The following FLI1 variants were observed in gnomAD, a reference collection of about 807,000 sequenced individuals.
The protein encoded by FLI1 is Friend leukemia integration 1 transcription factor.
Under a neutral mutation model 53.1 loss-of-function variants are expected in FLI1, and 13 were observed. The ratio of observed to expected loss-of-function variants is 0.24; its 90% CI spans 0.16 to 0.39. The LOEUF is 0.39. Among genes scored for constraint, FLI1 ranks in the 10% least tolerant of loss-of-function variants. The pLI, the probability that FLI1 is intolerant of heterozygous loss-of-function variation, is 1.00. For synonymous variants in FLI1, 244 were observed against 236.7 expected, an observed-to-expected ratio of 1.03 and a Z score of -0.28; for missense variants, 424 against 600.5, an observed-to-expected ratio of 0.71 and a Z score of 3.07.
At chr11:128,694,314 G>A (rs775206695) in intron 1 of FLI1, 38 bp downstream of exon 1, 3 of 1,314,810 alleles carry the variant, frequency 2.3e-6, no homozygotes, top group African/African-American at 1.5e-5. Flanking sequence ...GGCGGGGACC[G>A]GCCGGGGAGG....
At chr11:128,806,193 ATTAT>A in intron 6 of FLI1, 1 of 148,134 alleles carries the variant, frequency 6.8e-6, no homozygotes, top group Admixed American at 6.6e-5. Context: ...ATGTGTATTA[ATTAT>A]TTACTTACTC....
chr11:128,790,144 A>G (rs1246333582), intron 5 of FLI1, among the ~76,000 whole-genome samples: 1 of 151,746 alleles, frequency 6.6e-6, no homozygotes, highest in African/African-American at 2.4e-5. Context: ...TGATTATGGG[A>G]TAGACAGTAG....
intron 1 of FLI1, among the ~76,000 whole-genome samples, chr11:128,720,804 G>GC (rs1939220486): frequency 6.6e-6 from 1 of 152,178 alleles, no homozygotes; most frequent in Non-Finnish European, 1.5e-5. Context: ...CTCTCTTTCT[G>GC]CCCCTCACAG....
Position 128,772,892 on chromosome 11 carries a change from G to A in FLI1, c.496G>A (p.Glu166Lys). The change falls in exon 4 of 9, where the codon GAA (glutamate) becomes AAA (lysine). Residue 166 changes from glutamate to lysine, a missense_variant. Around this residue, in one of 5 missense-constraint regions of FLI1, gnomAD observed 114 missense variants for 117.9 expected, o/e 0.97. Transcript: ENST00000527786. ...CTTTTTCCAGAACATGGATGGCAAGGAACTGTGTAAAATGAACAAGGAGGA... is the reference window on the plus strand; with the variant it reads ...CTTTTTCCAGAACATGGATGGCAAGAAACTGTGTAAAATGAACAAGGAGGA... ...TSFFQNMDGK[E>K]LCKMNKEDFL... is the part of the protein sequence containing the mutation. 2 of 1,614,026 alleles carry A rather than the reference G, an allele frequency of 1.2e-6. No homozygotes were observed. The highest frequency in any genetic ancestry group is 1.3e-5 in the African/African-American group (1 of 75,056).
intron 5 of FLI1, chr11:128,804,351 G>A (rs1000227086): frequency 6.6e-5 from 10 of 152,218 alleles, no homozygotes; most frequent in African/African-American, 2.4e-4. Context: ...AACTTTGAAG[G>A]TCATAATTCT....
chr11:128,706,214 C>A (rs935727924), intron 1 of FLI1, among the ~76,000 whole-genome samples: 1 of 152,124 alleles, frequency 6.6e-6, no homozygotes, highest in African/African-American at 2.4e-5. Flanking sequence ...TAGAAACATG[C>A]GTATAGGAGA....
intron 1 of FLI1, among the ~76,000 whole-genome samples, chr11:128,751,671 C>A (rs1298932866): frequency 6.6e-6 from 1 of 151,978 alleles, no homozygotes; most frequent in Non-Finnish European, 1.5e-5. Context: ...GGACTACAGG[C>A]ACCCGCCACC....
chr11:128,715,899 A>G lies in FLI1; in HGVS notation c.18+21623A>G, dbSNP rs542652116. Among the ~76,000 whole-genome samples, 11 of 152,320 alleles carry G rather than the reference A, an allele frequency of 7.2e-5. No homozygotes were observed. In the South Asian group the frequency reaches 2.3e-3, roughly 32 times the overall value. ...CAGGACAAAGGAAATTCCCTGTTGTATTGTTTAAAGGAAGCCACCATCCAC... is the reference window on the plus strand; with the variant it reads ...CAGGACAAAGGAAATTCCCTGTTGTGTTGTTTAAAGGAAGCCACCATCCAC... On this transcript the variant is annotated intron_variant, in intron 1 of 8. Transcript: ENST00000527786.
chr11:128,740,187 G>A (rs150556679), intron 1 of FLI1, among the ~76,000 whole-genome samples: 244 of 152,302 alleles, frequency 1.6e-3, no homozygotes, highest in Non-Finnish European at 3.0e-3. Flanking sequence ...GAATGTATAC[G>A]CACAAGTACA....
At chr11:128,690,246 C>G (rs1004187661), upstream of FLI1, among the ~76,000 whole-genome samples, 37 of 152,340 alleles carry the variant, frequency 2.4e-4, no homozygotes, top group African/African-American at 6.7e-4. Context: ...CTCCCGCCCT[C>G]TCCTCCTCCC....
intron 1 of FLI1, among the ~76,000 whole-genome samples, chr11:128,748,945 G>A (rs914571166): frequency 2.0e-5 from 3 of 152,196 alleles, no homozygotes; most frequent in African/African-American, 7.2e-5. Context: ...AATAATACAT[G>A]TTCTATTTGA....
intron 1 of FLI1, among the ~76,000 whole-genome samples, chr11:128,755,560 C>A (rs1405142503): frequency 6.6e-6 from 1 of 152,200 alleles, no homozygotes. Context: ...CAGCTCAGAA[C>A]CATAATTCCT....
upstream of FLI1, chr11:128,686,501 C>T (rs1264494902): frequency 1.5e-5 from 7 of 456,674 alleles, no homozygotes; most frequent in Non-Finnish European, 3.1e-5. Context: ...CCCTCCCTCG[C>T]CGGACTAGGC....
chr11:128,808,067 T>C (rs775901154), intron 7 of FLI1, among the ~76,000 whole-genome samples: 15 of 152,170 alleles, frequency 9.9e-5, no homozygotes, highest in Non-Finnish European at 1.5e-4. Context: ...ACATTTCACC[T>C]GGAAGGTTAA....
intron 1 of FLI1, among the ~76,000 whole-genome samples, chr11:128,705,029 A>G (rs1301186810): frequency 1.3e-5 from 2 of 152,224 alleles, no homozygotes; most frequent in Non-Finnish European, 2.9e-5. Context: ...GAAAATAGAA[A>G]AGCAATTATT....
Position 128,810,922 on chromosome 11 carries a change from C to A in FLI1, c.1293C>A (p.Tyr431Ter). The part of the protein sequence containing the change: ...QYWTSPTGGI[Y>*]PNPNVPRHPN... ...GGACCTCCCCCACGGGGGGAATCTA[C>A]CCCAACCCCAACGTCCCCCGCCATC... Residue 431 changes from tyrosine (Y) to a stop codon, truncating the protein, a stop_gained, in exon 9 of 9, where the codon TAC (tyrosine) becomes TAA (stop). Transcript: ENST00000527786. LOFTEE classifies it high-confidence loss of function. The surrounding 1 kb of genome is among the most constrained non-coding windows in gnomAD (Gnocchi z 6.6). 1 of 1,614,034 alleles carries A rather than the reference C, an allele frequency of 6.2e-7. No individual in the cohort carries two copies. Among genetic ancestry groups the A allele is most frequent in the Non-Finnish European group, 8.5e-7 (1 of 1,179,888 alleles).
chr11:128,694,330 C>A, intron 1 of FLI1, 54 bp downstream of exon 1: 2 of 1,284,770 alleles, frequency 1.6e-6, no homozygotes, highest in Non-Finnish European at 2.0e-6. Context: ...GGAGGCGAAG[C>A]GGCGGGCGGG....
chr11:128,811,409 T>A lies in FLI1; in HGVS notation c.*421T>A, dbSNP rs1040160646. ...ACCCGTCATGTTCTGGTTTGAGATT[T>A]AGTGACAAATAGAGGTGGGAAGCTT... On this transcript the variant is annotated 3_prime_UTR_variant, in exon 9 of 9. Transcript: ENST00000527786. 1.6e-5 allele frequency: 4 copies of A among 243,564 alleles called. No homozygotes were observed. The highest frequency in any genetic ancestry group is 3.2e-5 in the Non-Finnish European group (4 of 125,698). The allele number at this position is 243,564 out of a possible 1,614,324, so 15.1% of individuals were successfully genotyped here.
At chr11:128,805,693 G>A (rs1942763628) in intron 6 of FLI1, 1 of 405,958 alleles carries the variant, frequency 2.5e-6, no homozygotes, top group Admixed American at 4.4e-5. Context: ...CTTGAGACAA[G>A]GTTCTGTACC....
Sources: gnomAD v4.1 joint callset for allele counts (sites outside exome capture counted in the v4.1 genomes callset) on GRCh38, gnomAD v4.1.1 for gene constraint, gnomAD v4.1.1 regional missense constraint, Gnocchi (gnomAD v3.1) non-coding constraint, MANE v1.5 for transcripts, NCBI Gene and HGNC (gene_info 2026-07-23, HGNC 2026-07-21) for gene names.